Variants in DHCR24 observed in about 807,000 individuals in gnomAD.
DHCR24 encodes delta(24)-sterol reductase.
Under a neutral mutation model 61.2 loss-of-function variants are expected in DHCR24, and 28 were observed. The ratio of observed to expected loss-of-function variants is 0.46; its 90% CI spans 0.34 to 0.63. The LOEUF is 0.63. Among genes scored for constraint, DHCR24 ranks in the 20% least tolerant of loss-of-function variants. The pLI, the probability that DHCR24 is intolerant of heterozygous loss-of-function variation, is 0.01. For missense variants in DHCR24, 538 were observed against 679.1 expected (o/e 0.79, Z 2.31); for synonymous variants, 261 against 275.9 (o/e 0.95, Z 0.54).
chr1:54,851,427 G>C lies in DHCR24; in HGVS notation c.*806C>G, dbSNP rs1646874468. On this transcript the variant is annotated 3_prime_UTR_variant, in exon 9 of 9. Coordinates refer to ENST00000371269, the MANE Select transcript of DHCR24 (RefSeq NM_014762.4). ...GGTCCCCTGGATCCAATTCAGAGCG[G>C]AGACCACTCTCTCCACCTAGGTGTC... 1 of 152,532 alleles carries C rather than the reference G, an allele frequency of 6.6e-6. No individual in the cohort carries two copies. Among genetic ancestry groups the C allele is most frequent in the Non-Finnish European group, 1.5e-5 (1 of 68,086 alleles). 9.4% of individuals were successfully genotyped at this position (152,532 alleles called of 1,614,324 possible).
chr1:54,874,882 G>C (rs1647018200), intron 4 of DHCR24, among the ~76,000 whole-genome samples: 1 of 152,110 alleles, frequency 6.6e-6, no homozygotes, highest in African/African-American at 2.4e-5. Flanking sequence ...TTAGGTTGTT[G>C]AAGGATAACA....
chr1:54,853,398 A>G, intron 8 of DHCR24, 36 bp downstream of exon 8: 1 of 1,613,674 alleles, frequency 6.2e-7, no homozygotes, highest in Non-Finnish European at 8.5e-7. Flanking sequence ...TGGGGCTGTC[A>G]GCTAGAGGCA....
Position 54,871,415 on chromosome 1 carries a change from G to A in DHCR24, c.811C>T (p.Leu271Phe). The change falls in exon 5 of 9, where the codon CTC becomes TTC. Residue 271 changes from leucine (L) to phenylalanine (F), a missense_variant. Leu to Phe is a conservative substitution (Grantham distance 22). Coordinates refer to ENST00000371269, the MANE Select transcript of DHCR24 (RefSeq NM_014762.4). ...RQENHFVEGLLYSLDEAVIMT... is the reference protein window; with the variant it reads ...RQENHFVEGLFYSLDEAVIMT... ...ATGACAGCCTCATCCAGGGAGTAGAGCAGCCCTTCCACGAAGTGGTTCTCC... is the reference window on the plus strand; with the variant it reads ...ATGACAGCCTCATCCAGGGAGTAGAACAGCCCTTCCACGAAGTGGTTCTCC... 2 of 1,614,192 alleles carry A rather than the reference G, an allele frequency of 1.2e-6. No homozygotes were observed. Among genetic ancestry groups the A allele is most frequent in the East Asian group, 2.2e-5 (1 of 44,880 alleles).
intron 6 of DHCR24, among the ~76,000 whole-genome samples, chr1:54,855,218 C>T (rs1284089818): frequency 2.0e-5 from 3 of 152,190 alleles, no homozygotes; most frequent in African/African-American, 7.2e-5. Flanking sequence ...CACGGTGAAA[C>T]CCCGTTTCTA....
intron 5 of DHCR24, among the ~76,000 whole-genome samples, chr1:54,865,664 G>C (rs1484914128): frequency 6.6e-6 from 1 of 152,188 alleles, no homozygotes; most frequent in Non-Finnish European, 1.5e-5. Context: ...AGTGGTGTGT[G>C]CCCAGGGCCA....
rs1479459047 is a variant in DHCR24, at chr1:54,865,465, T to C, written c.877-19A>G. 16 of 1,613,850 alleles carry C rather than the reference T, an allele frequency of 9.9e-6. No homozygotes were observed. Among genetic ancestry groups the C allele is most frequent in the Admixed American group, 6.7e-5 (4 of 60,026 alleles). On this transcript the variant is annotated intron_variant, in intron 5 of 8. Coordinates refer to ENST00000371269, the MANE Select transcript of DHCR24 (RefSeq NM_014762.4). ...TATTCAGCTGAAATGACAGAGGGCA[T>C]TGTGATCAGCCTGCAGACAAGCGCC...
chr1:54,875,088 C>T lies in DHCR24; in HGVS notation c.612+5G>A. On this transcript the variant is annotated splice_donor_5th_base_variant and intron_variant, in intron 4 of 8. Transcript: ENST00000371269. ...GGCATGGACATCTCCCATTGCTGAA[C>T]TCACCGGAGTGCATCGCACAAAGCT... 6.2e-7 allele frequency: 1 copy of T among 1,613,376 alleles called. No homozygotes were observed. Among genetic ancestry groups the T allele is most frequent in the Non-Finnish European group, 8.5e-7 (1 of 1,179,364 alleles).
At chr1:54,875,635 G>A (rs1647024355) in intron 3 of DHCR24, among the ~76,000 whole-genome samples, 1 of 152,058 alleles carries the variant, frequency 6.6e-6, no homozygotes, top group Non-Finnish European at 1.5e-5. Context: ...GAATCCTATG[G>A]GAGGAGAAGA....
At chr1:54,876,253 G>A (rs879349453) in intron 2 of DHCR24, among the ~76,000 whole-genome samples, 5 of 151,984 alleles carry the variant, frequency 3.3e-5, no homozygotes, top group Admixed American at 2.0e-4. Context: ...GTTCAACCTC[G>A]CCCTTCAAGT....
chr1:54,871,225 G>A (rs1340042966), intron 5 of DHCR24, 125 bp downstream of exon 5: 1 of 1,107,104 alleles, frequency 9.0e-7, no homozygotes, highest in East Asian at 2.5e-5. Context: ...TGTACCCCAG[G>A]TGGGTTGACC....
chr1:54,867,188 C>G (rs530122087), intron 5 of DHCR24, among the ~76,000 whole-genome samples: 1 of 152,352 alleles, frequency 6.6e-6, no homozygotes, highest in Admixed American at 6.5e-5. Context: ...CTTCCTATCT[C>G]TGGGCCTCCT....
chr1:54,875,789 C>T (rs781588739), intron 3 of DHCR24, among the ~76,000 whole-genome samples, 153 bp downstream of exon 3: 2 of 152,124 alleles, frequency 1.3e-5, no homozygotes, highest in Non-Finnish European at 2.9e-5. Context: ...CAGTGAACAC[C>T]CTGTCATTGG....
rs1253858754 is a variant in DHCR24, at chr1:54,887,051, C to T, written c.69G>A (p.Leu23=). The T allele has an allele frequency of 4.3e-6, 7 of 1,612,250 alleles. No individual in the cohort carries two copies. The South Asian group carries it at 7.7e-5, about 18-fold the overall frequency. ...AGCGCTGGTGGATGAGCACGAACTC[C>T]AGCCCCTTCAGGCGCACCCACAGCA... ...LFLLWVRLKG[L]EFVLIHQRWV... Residue 23 remains leucine (L), a synonymous_variant, in exon 1 of 9, where the codon CTG becomes CTA. Transcript: ENST00000371269.
chr1:54,877,003 C>T (rs1034524598), intron 2 of DHCR24, among the ~76,000 whole-genome samples: 4 of 151,756 alleles, frequency 2.6e-5, no homozygotes, highest in Admixed American at 6.6e-5. Flanking sequence ...AGAGGGCTTG[C>T]GGTCACAGGT....
intron 2 of DHCR24, among the ~76,000 whole-genome samples, chr1:54,876,671 AT>A (rs989199079): frequency 2.6e-5 from 4 of 151,730 alleles, no homozygotes; most frequent in Non-Finnish European, 4.4e-5. Flanking sequence ...CAAAAAAAAA[AT>A]TCACCCTTCC....
At chr1:54,876,195 T>C (rs1044618055) in intron 2 of DHCR24, 148 bp from the exon 3 acceptor site, 9 of 687,900 alleles carry the variant, frequency 1.3e-5, no homozygotes, top group South Asian at 3.2e-5. Flanking sequence ...TTCTAGAACA[T>C]TGCCTTTAAT....
chr1:54,865,529 T>A, intron 5 of DHCR24, 83 bp from the exon 6 acceptor site: 6 of 1,575,588 alleles, frequency 3.8e-6, no homozygotes, highest in Non-Finnish European at 5.2e-6. Context: ...CCGGCTTCTG[T>A]TCAGCACTCC....
chr1:54,873,407 A>C (rs1282875267), intron 4 of DHCR24, among the ~76,000 whole-genome samples: 1 of 152,220 alleles, frequency 6.6e-6, no homozygotes, highest in Non-Finnish European at 1.5e-5. Context: ...TTATGTATTC[A>C]CTACACTACA....
At chr1:54,871,269 T>G (rs1570194070) in intron 5 of DHCR24, 81 bp downstream of exon 5, 1 of 1,574,766 alleles carries the variant, frequency 6.4e-7, no homozygotes, top group Non-Finnish European at 8.6e-7. Flanking sequence ...GCTGCCAGGG[T>G]CAGGATACGG....
Sources: allele counts gnomAD v4.1 joint callset (sites outside exome capture counted in the v4.1 genomes callset), GRCh38; gene constraint gnomAD v4.1.1; transcripts MANE v1.5; gene names NCBI Gene and HGNC (gene_info 2026-07-23, HGNC 2026-07-21).